Variants in PTPRN2 observed in about 807,000 individuals in gnomAD.
The protein encoded by PTPRN2 is receptor-type tyrosine-protein phosphatase N2.
In PTPRN2, 74 loss-of-function variants were observed where a neutral mutation model predicts 118.8. That is an observed-to-expected ratio of 0.62 (90% CI 0.52 to 0.76). The LOEUF (loss-of-function observed/expected upper bound fraction) is 0.76, where lower values mean the gene tolerates loss of function less well. Ranked by LOEUF, PTPRN2 falls within the 30% of genes least tolerant of loss-of-function variation. The pLI, the probability that PTPRN2 is intolerant of heterozygous loss-of-function variation, is 0.00. For missense variants in PTPRN2, 1,481 were observed against 1,394.4 expected (o/e 1.06, Z -0.99); for synonymous variants, 641 against 608.0 (o/e 1.05, Z -0.80).
At chr7:158,262,324 TCACA>T (rs35904668) in intron 3 of PTPRN2, among the ~76,000 whole-genome samples, 1 of 138,668 alleles carries the variant, frequency 7.2e-6, no homozygotes, top group Non-Finnish European at 1.6e-5. Context: ...GCACACACAT[TCACA>T]CACACTGCAC....
chr7:158,381,291 C>A (rs1810949255), intron 2 of PTPRN2, among the ~76,000 whole-genome samples: 1 of 152,230 alleles, frequency 6.6e-6, no homozygotes, highest in South Asian at 2.1e-4. Flanking sequence ...CAAAACCAAG[C>A]ACCCAAGTCA....
chr7:157,915,946 G>C (rs939263836), intron 11 of PTPRN2, among the ~76,000 whole-genome samples: 1 of 152,090 alleles, frequency 6.6e-6, no homozygotes, highest in Non-Finnish European at 1.5e-5. Context: ...TCTCTGCCCC[G>C]CCCCAGCTGC....
Position 158,332,596 on chromosome 7 carries a change from C to G in PTPRN2, c.164-15664G>C, listed in dbSNP as rs1259006964. ...GACGTCACTCACACCCACACTCTCA[C>G]CATAAGAAGTGACACCTGCAGATGT... On this transcript the variant is annotated intron_variant, in intron 2 of 22. Coordinates refer to ENST00000389418, the MANE Select transcript of PTPRN2 (RefSeq NM_002847.5). 3.0e-4 allele frequency among the ~76,000 whole-genome samples: 45 copies of G among 150,546 alleles called. 2 individuals carry two copies. The highest frequency in any genetic ancestry group is 1.1e-3 in the African/African-American group (44 of 40,056).
At position 158,157,590 on chromosome 7, in the gene PTPRN2, C is replaced by G. The variant is rs118101342; in HGVS notation, c.910+9341G>C. Among the ~76,000 whole-genome samples, 648 of 152,318 alleles carry G rather than the reference C, an allele frequency of 4.3e-3. 14 individuals carry two copies. The East Asian group carries it at 0.06, about 14-fold the overall frequency. On this transcript the variant is annotated intron_variant, in intron 6 of 22. Transcript: ENST00000389418. ...TGGGTGGAGCCGAGCAGTGCAGGTCCGGGACTGCCAGCCACACGCAGGTCC... is the reference window on the plus strand; with the variant it reads ...TGGGTGGAGCCGAGCAGTGCAGGTCGGGGACTGCCAGCCACACGCAGGTCC...
At chr7:158,260,536 C>T (rs1257341347) in intron 3 of PTPRN2, among the ~76,000 whole-genome samples, 4 of 152,110 alleles carry the variant, frequency 2.6e-5, no homozygotes, top group Non-Finnish European at 4.4e-5. Context: ...CCCAGAGGGC[C>T]TATAGAATCC....
rs190292947 is a variant in PTPRN2 at position 157,926,710 on chromosome 7, A to G, written c.1724-27973T>C. Among the ~76,000 whole-genome samples the G allele has an allele frequency of 2.6e-5, 4 of 152,230 alleles. No homozygotes were observed. In the East Asian group the frequency reaches 7.7e-4, roughly 29 times the overall value. On this transcript the variant is annotated intron_variant, in intron 11 of 22. Transcript: ENST00000389418. ...TCACAAACACCCACAGACCCTGTAA[A>G]ATGCTGCTCCTTTGCTTCCTGCTTA...
At chr7:157,765,623 T>C (rs1167780139) in intron 12 of PTPRN2, among the ~76,000 whole-genome samples, 1 of 140,272 alleles carries the variant, frequency 7.1e-6, no homozygotes, top group African/African-American at 2.7e-5. Context: ...TACCCATCCA[T>C]CATCCATTCT....
chr7:158,197,012 A>AT (rs936915193), intron 4 of PTPRN2, among the ~76,000 whole-genome samples: 1 of 152,182 alleles, frequency 6.6e-6, no homozygotes, highest in African/African-American at 2.4e-5. Context: ...GTATACGTAT[A>AT]TATGTATATA....
In PTPRN2 at chr7:157,992,503, CA is replaced by C. The variant is rs201859865; in HGVS notation, c.1723+88794del. Among the ~76,000 whole-genome samples the C allele has an allele frequency of 8.6e-3, 1,316 of 152,376 alleles. 20 individuals are homozygous for C. Among genetic ancestry groups the C allele is most frequent in the African/African-American group, 0.03 (1,260 of 41,590 alleles). The stretch of plus-strand genomic sequence containing the variant: ...ATTCTAACAGGAGGGCTCCTGAAAT[CA>C]GCGCCTTATGGTGCTAAGGTTTTAA... On this transcript the variant is annotated intron_variant, in intron 11 of 22. Coordinates refer to ENST00000389418, the MANE Select transcript of PTPRN2 (RefSeq NM_002847.5).
chr7:158,581,275 CTAT>C (rs1350371641), intron 1 of PTPRN2, among the ~76,000 whole-genome samples: 1 of 152,192 alleles, frequency 6.6e-6, no homozygotes, highest in African/African-American at 2.4e-5. Flanking sequence ...CTCAGTCTTT[CTAT>C]CTGTAAATTG....
chr7:158,316,504 C>G (rs1381021766), intron 3 of PTPRN2, among the ~76,000 whole-genome samples: 1 of 152,224 alleles, frequency 6.6e-6, no homozygotes, highest in Non-Finnish European at 1.5e-5. Context: ...CACGCCTGCA[C>G]TGGACCCAGC....
chr7:157,938,879 C>T (rs186077432), intron 11 of PTPRN2, among the ~76,000 whole-genome samples: 165 of 152,294 alleles, frequency 1.1e-3, no homozygotes, highest in African/African-American at 3.5e-3. Flanking sequence ...AACAACCTGC[C>T]GGTGTCAAGA....
At chr7:158,118,128 T>C (rs1353735489) in intron 9 of PTPRN2, among the ~76,000 whole-genome samples, 2 of 152,348 alleles carry the variant, frequency 1.3e-5, no homozygotes, top group East Asian at 3.9e-4. Context: ...ACTAGTATTA[T>C]AACTTTGGTT....
At chr7:157,959,885 C>G (rs1801411830) in intron 11 of PTPRN2, among the ~76,000 whole-genome samples, 1 of 152,196 alleles carries the variant, frequency 6.6e-6, no homozygotes, top group Admixed American at 6.5e-5. Flanking sequence ...TCTACACTGA[C>G]ATGTATAGCA....
At chr7:157,756,593 C>T (rs1750298588) in intron 12 of PTPRN2, among the ~76,000 whole-genome samples, 8 of 152,312 alleles carry the variant, frequency 5.3e-5, no homozygotes, top group Middle Eastern at 3.4e-3. Context: ...TTCTAAAGCT[C>T]AGCCTCCTGT....
intron 21 of PTPRN2, among the ~76,000 whole-genome samples, chr7:157,563,304 C>T (rs1799304938): frequency 7.5e-6 from 1 of 134,126 alleles, no homozygotes; most frequent in Non-Finnish European, 1.6e-5. Flanking sequence ...CAGATCAGGA[C>T]CACGTGCTCC....
At chr7:158,229,436 T>C (rs539333994) in intron 3 of PTPRN2, among the ~76,000 whole-genome samples, 41 of 152,186 alleles carry the variant, frequency 2.7e-4, no homozygotes, top group African/African-American at 8.9e-4. Context: ...GATGGCAATA[T>C]GTGAGTTCTC....
chr7:158,244,305 G>A (rs968749149), intron 3 of PTPRN2, among the ~76,000 whole-genome samples: 6 of 152,206 alleles, frequency 3.9e-5, no homozygotes, highest in African/African-American at 2.4e-5. Context: ...AGTTGGAAAC[G>A]CAAATTAAAA....
At chr7:157,899,827 A>G (rs1229303859) in intron 11 of PTPRN2, among the ~76,000 whole-genome samples, 2 of 152,224 alleles carry the variant, frequency 1.3e-5, no homozygotes, top group African/African-American at 4.8e-5. Context: ...CAAGACAGAC[A>G]GAAAACAGTC....
Sources: allele counts gnomAD v4.1 joint callset (sites outside exome capture counted in the v4.1 genomes callset), GRCh38; gene constraint gnomAD v4.1.1; transcripts MANE v1.5; gene names NCBI Gene and HGNC (gene_info 2026-07-23, HGNC 2026-07-21).